Variants in TMEM123 observed in about 807,000 individuals in gnomAD.
TMEM123 encodes transmembrane protein 123, also known as porimin.
Under a neutral mutation model 19.7 loss-of-function variants are expected in TMEM123, and 16 were observed. That is an observed-to-expected ratio of 0.81 (90% CI 0.55 to 1.23). The LOEUF is 1.23. Among genes scored for constraint, TMEM123 ranks in the 50% most tolerant of loss-of-function variants. The pLI, the probability that TMEM123 is intolerant of heterozygous loss-of-function variation, is 0.00. For synonymous variants in TMEM123, 118 were observed against 99.4 expected, an observed-to-expected ratio of 1.19 and a Z score of -1.12; for missense variants, 313 against 257.8, an observed-to-expected ratio of 1.21 and a Z score of -1.47.
intron 2 of TMEM123, among the ~76,000 whole-genome samples, chr11:102,421,864 T>C (rs1473873690): frequency 6.6e-6 from 1 of 152,102 alleles, no homozygotes; most frequent in East Asian, 1.9e-4. Flanking sequence ...CTGTAGAACA[T>C]CAATGGGAGA....
chr11:102,419,947 G>A (rs1434709373), intron 2 of TMEM123, among the ~76,000 whole-genome samples: 1 of 152,208 alleles, frequency 6.6e-6, no homozygotes, highest in Non-Finnish European at 1.5e-5. Context: ...GAAATACACT[G>A]TAAGCAACTC....
intron 2 of TMEM123, among the ~76,000 whole-genome samples, chr11:102,403,792 G>A (rs1038700407): frequency 5.9e-5 from 9 of 152,124 alleles, no homozygotes; most frequent in African/African-American, 2.2e-4. Context: ...TCTCATTCTG[G>A]CAAAACTGGA....
At chr11:102,399,335 C>G (rs1951889497) in intron 4 of TMEM123, among the ~76,000 whole-genome samples, 1 of 152,164 alleles carries the variant, frequency 6.6e-6, no homozygotes, top group African/African-American at 2.4e-5. Context: ...GTCCCAGCTA[C>G]TCAGCAGGCT....
chr11:102,449,247 T>C (rs879592227), intron 1 of TMEM123: 2 of 185,222 alleles, frequency 1.1e-5, no homozygotes, highest in African/African-American at 4.7e-5. Context: ...GAGAGGCCGA[T>C]TCTACTCACA....
intron 2 of TMEM123, among the ~76,000 whole-genome samples, chr11:102,442,733 T>G (rs561137309): frequency 2.0e-4 from 31 of 152,216 alleles, no homozygotes; most frequent in African/African-American, 7.2e-4. Flanking sequence ...GGGTATTCAA[T>G]TAGGAAAAGA....
chr11:102,397,945 C>T lies in TMEM123; in HGVS notation c.*922G>A, dbSNP rs538242324. Reference sequence around the variant, plus strand: ...TGTGTTTACACTCAATTAAAAATTTCTAGATATTGAAAGCAGCTCTACAGT... The same window carrying T: ...TGTGTTTACACTCAATTAAAAATTTTTAGATATTGAAAGCAGCTCTACAGT... On this transcript the variant is annotated 3_prime_UTR_variant, in exon 5 of 5. Coordinates refer to ENST00000398136, the MANE Select transcript of TMEM123 (RefSeq NM_052932.3). The T allele has an allele frequency of 6.6e-6, 1 of 152,244 alleles. No individual in the cohort carries two copies. Among genetic ancestry groups the T allele is most frequent in the Non-Finnish European group, 1.5e-5 (1 of 67,994 alleles). 9.4% of individuals were successfully genotyped at this position (152,244 alleles called of 1,614,324 possible).
chr11:102,429,313 A>T (rs1340848528), intron 2 of TMEM123, among the ~76,000 whole-genome samples: 4 of 152,176 alleles, frequency 2.6e-5, no homozygotes, highest in South Asian at 4.1e-4. Context: ...TAAATCTGGG[A>T]TGATGTCTAC....
At position 102,402,158 on chromosome 11, in the gene TMEM123, C is replaced by T. The variant is rs139441816; in HGVS notation, c.206G>A (p.Ser69Asn). 256 of 1,614,056 alleles carry T rather than the reference C, an allele frequency of 1.6e-4. 1 individual carries two copies. In the East Asian group the frequency reaches 4.9e-3, roughly 31 times the overall value. ...PSDHTNETSN[S>N]TVKPPTSVAS... is the part of the protein sequence containing the mutation. Reference sequence around the variant, plus strand: ...AACTGAAGTTGGTGGTTTCACAGTACTGTTGGAAGTTTCATTTGTATGGTC... The same window carrying T: ...AACTGAAGTTGGTGGTTTCACAGTATTGTTGGAAGTTTCATTTGTATGGTC... Residue 69 changes from serine to asparagine, a missense_variant, in exon 3 of 5, where the codon AGT becomes AAT. Ser to Asn is a conservative substitution (Grantham distance 46). Transcript: ENST00000398136.
chr11:102,445,109 A>G (rs553810284), intron 2 of TMEM123, among the ~76,000 whole-genome samples: 3 of 152,330 alleles, frequency 2.0e-5, no homozygotes, highest in African/African-American at 7.2e-5. Flanking sequence ...AACATGGCAC[A>G]TGTATACATA....
intron 2 of TMEM123, among the ~76,000 whole-genome samples, chr11:102,422,495 T>G (rs1288250238): frequency 6.6e-6 from 1 of 152,004 alleles, no homozygotes; most frequent in African/African-American, 2.4e-5. Flanking sequence ...AAAAAAAAAG[T>G]GAAGAGAATA....
chr11:102,448,716 G>C, intron 2 of TMEM123, 96 bp downstream of exon 2: 1 of 1,189,096 alleles, frequency 8.4e-7, no homozygotes. Context: ...GGTTAAAACA[G>C]GTCAGTGAAC....
chr11:102,401,952 T>G lies in TMEM123; in HGVS notation c.412A>C (p.Asn138His). The change falls in exon 3 of 5, where the codon AAT becomes CAT. Residue 138 changes from asparagine to histidine, a missense_variant. Coordinates refer to ENST00000398136, the MANE Select transcript of TMEM123 (RefSeq NM_052932.3). ...GAAGCAGCAGATGTCACTGAACTAT[T>G]GTGGGTTACGGTCATTGTGGATGTT... ...ISTSTMTVTH[N>H]SSVTSAASSV... 6.2e-7 allele frequency: 1 copy of G among 1,614,170 alleles called. No homozygotes were observed. Among genetic ancestry groups the G allele is most frequent in the South Asian group, 1.1e-5 (1 of 91,084 alleles).
chr11:102,445,630 G>T (rs1857877365), intron 2 of TMEM123, among the ~76,000 whole-genome samples: 1 of 152,118 alleles, frequency 6.6e-6, no homozygotes, highest in Non-Finnish European at 1.5e-5. Context: ...TGCAATCGGG[G>T]GTAAAAATTG....
At chr11:102,412,518 A>G (rs1404673638) in intron 2 of TMEM123, among the ~76,000 whole-genome samples, 2 of 152,232 alleles carry the variant, frequency 1.3e-5, no homozygotes, top group East Asian at 1.9e-4. Flanking sequence ...CAACTTAAAT[A>G]TAAGATATAG....
At chr11:102,411,958 CT>C (rs1209383852) in intron 2 of TMEM123, among the ~76,000 whole-genome samples, 1 of 152,176 alleles carries the variant, frequency 6.6e-6, no homozygotes, top group Non-Finnish European at 1.5e-5. Flanking sequence ...GCTGCCTACC[CT>C]TCTGCCCCAG....
chr11:102,418,156 A>C (rs917650695), intron 2 of TMEM123, among the ~76,000 whole-genome samples: 35 of 152,148 alleles, frequency 2.3e-4, no homozygotes, highest in African/African-American at 8.2e-4. Flanking sequence ...CAGAGACACC[A>C]AAGGCAACTG....
At chr11:102,444,524 C>T (rs1857861816) in intron 2 of TMEM123, among the ~76,000 whole-genome samples, 1 of 147,994 alleles carries the variant, frequency 6.8e-6, no homozygotes, top group Admixed American at 6.7e-5. Context: ...TGGGGAACAT[C>T]ACACACCAGG....
At chr11:102,414,282 GA>G (rs1338705990) in intron 2 of TMEM123, among the ~76,000 whole-genome samples, 1 of 152,176 alleles carries the variant, frequency 6.6e-6, no homozygotes, top group Non-Finnish European at 1.5e-5. Context: ...CATATTTGAG[GA>G]TACTGTCCAT....
intron 2 of TMEM123, among the ~76,000 whole-genome samples, chr11:102,435,224 TCA>T (rs1857750971): frequency 6.6e-6 from 1 of 151,708 alleles, no homozygotes. Flanking sequence ...ATCTTTATAA[TCA>T]CAAAAAATAA....
Sources: gnomAD v4.1 joint callset for allele counts (sites outside exome capture counted in the v4.1 genomes callset) on GRCh38, gnomAD v4.1.1 for gene constraint, MANE v1.5 for transcripts, NCBI Gene and HGNC (gene_info 2026-07-23, HGNC 2026-07-21) for gene names.